NLRP5: variants seen among roughly 807,000 people sequenced by gnomAD.
NLRP5 encodes NLR family pyrin domain containing 5, also known as NACHT, LRR and PYD domains-containing protein 5.
Under a neutral mutation model 113.1 loss-of-function variants are expected in NLRP5, and 93 were observed. The ratio of observed to expected loss-of-function variants is 0.82; its 90% CI spans 0.70 to 0.98. NLRP5 has a LOEUF of 0.98. Ranked by LOEUF, NLRP5 falls within the 50% of genes least tolerant of loss-of-function variation. The pLI, the probability that NLRP5 is intolerant of heterozygous loss-of-function variation, is 0.00. For missense variants in NLRP5, 1,808 were observed against 1,514.3 expected, an observed-to-expected ratio of 1.19 and a Z score of -3.22; for synonymous variants, 751 against 600.7, an observed-to-expected ratio of 1.25 and a Z score of -3.66.
chr19:56,012,559 A>C (rs1982237335), intron 3 of NLRP5, among the ~76,000 whole-genome samples: 1 of 105,628 alleles, frequency 9.5e-6, no homozygotes, highest in African/African-American at 3.6e-5. Context: ...ATCCAGTCTT[A>C]GGACATTTCC....
intron 6 of NLRP5, among the ~76,000 whole-genome samples, chr19:56,024,535 G>A (rs200687535): frequency 0.19 from 27,177 of 141,612 alleles, 2,853 homozygotes; most frequent in East Asian, 0.41. Context: ...GTATACATAT[G>A]TATATGTATG....
chr19:56,032,414 A>G (rs560647789), intron 7 of NLRP5, among the ~76,000 whole-genome samples, 197 bp from the exon 8 acceptor site: 3 of 151,206 alleles, frequency 2.0e-5, no homozygotes, highest in African/African-American at 4.9e-5. Flanking sequence ...CCCCTCGGGT[A>G]TCGGTATATC....
chr19:56,007,904 CGTGT>C (rs57588214), intron 2 of NLRP5, among the ~76,000 whole-genome samples: 2,126 of 110,140 alleles, frequency 0.019, 219 homozygotes, highest in East Asian at 0.097. Context: ...TGCGCGCGTG[CGTGT>C]GTGTGTGTGT....
chr19:56,052,218 T>G (rs996381780), intron 12 of NLRP5, among the ~76,000 whole-genome samples: 1 of 151,868 alleles, frequency 6.6e-6, no homozygotes, highest in Admixed American at 6.6e-5. Flanking sequence ...TTTGTGTGTT[T>G]TGTTTGGTTT....
chr19:56,023,868 T>A (rs1185411300), intron 6 of NLRP5, among the ~76,000 whole-genome samples: 3 of 152,212 alleles, frequency 2.0e-5, no homozygotes, highest in Admixed American at 1.3e-4. Context: ...ATACAGTTAG[T>A]AATTGTATTA....
At position 56,050,499 on chromosome 19, in the gene NLRP5, G is replaced by A; in HGVS notation, c.3039G>A (p.Leu1013=). ...TGGGTAACTCATGGCTGACGCACCT[G>A]AGCCTTAGCATGAACCCTGTGGAAG... Residue 1013 remains leucine (L), a synonymous_variant, in exon 12 of 15, where the codon CTG becomes CTA. Transcript: ENST00000390649. 1 of 1,613,934 alleles carries A rather than the reference G, an allele frequency of 6.2e-7. No homozygotes were observed. Among genetic ancestry groups the A allele is most frequent in the Non-Finnish European group, 8.5e-7 (1 of 1,179,880 alleles).
chr19:56,035,878 T>G (rs767947837), intron 9 of NLRP5, among the ~76,000 whole-genome samples: 3 of 151,300 alleles, frequency 2.0e-5, no homozygotes, highest in Non-Finnish European at 2.9e-5. Flanking sequence ...ACTATCACAT[T>G]GAGGAGTTGG....
In NLRP5 at chr19:56,050,526, C is replaced by T. The variant is rs1418822306; in HGVS notation, c.3066C>T (p.Asp1022=). ...GCCTTAGCATGAACCCTGTGGAAGA[C>T]AATGGCGTGAAGCTTCTGTGCGAGG... The change falls in exon 12 of 15, where the codon GAC becomes GAT. Residue 1022 remains aspartate (D), a synonymous_variant. Transcript: ENST00000390649. The T allele has an allele frequency of 1.9e-6, 3 of 1,613,964 alleles. No homozygotes were observed. The South Asian group carries it at 3.3e-5, about 18-fold the overall frequency.
intron 14 of NLRP5, 62 bp from the exon 15 acceptor site, chr19:56,061,334 T>TGAAGAAG (rs1479200469): frequency 6.4e-7 from 1 of 1,569,952 alleles, no homozygotes; most frequent in Non-Finnish European, 8.6e-7. Context: ...CCAGGAATTT[T>TGAAGAAG]GAAGAAGGGA....
At chr19:55,987,117 C>T in the NLRP5 span, among the ~76,000 whole-genome samples, 1 of 152,164 alleles carries the variant, frequency 6.6e-6, no homozygotes, top group Non-Finnish European at 1.5e-5. Context: ...GCCTATAATC[C>T]CAGCACTTTG....
intron 6 of NLRP5, among the ~76,000 whole-genome samples, chr19:56,023,810 C>G (rs1356265326): frequency 6.6e-6 from 1 of 152,176 alleles, no homozygotes; most frequent in East Asian, 1.9e-4. Flanking sequence ...TCAGAGGATA[C>G]AACTACAATG....
At chr19:56,031,751 T>C (rs1224508938) in intron 7 of NLRP5, among the ~76,000 whole-genome samples, 1 of 152,184 alleles carries the variant, frequency 6.6e-6, no homozygotes, top group African/African-American at 2.4e-5. Flanking sequence ...AACGGTAGAA[T>C]GTCCTCCTCT....
Position 56,038,175 on chromosome 19 carries a change from G to C in NLRP5, c.2766G>C (p.Gln922His), listed in dbSNP as rs1340976743. ...TCAGTGATGCCTTGAGAGTCTCCCA[G>C]TGCGCCCTGCAGAAGCTGATGTGAG... The change falls in exon 10 of 15, where the codon CAG (glutamine) becomes CAC (histidine). Residue 922 changes from glutamine (Q) to histidine (H), a missense_variant. Physicochemically the swap from Gln to His is conservative, Grantham distance 24 (BLOSUM62 0). Transcript: ENST00000390649. 6.2e-6 allele frequency: 10 copies of C among 1,613,768 alleles called. No homozygotes were observed. Among genetic ancestry groups the C allele is most frequent in the Non-Finnish European group, 8.5e-6 (10 of 1,179,854 alleles).
chr19:56,058,129 G>GT (rs1984224204), intron 13 of NLRP5, 111 bp from the exon 14 acceptor site: 1 of 798,402 alleles, frequency 1.3e-6, no homozygotes, highest in African/African-American at 2.0e-5. Context: ...GTTTGTTTTT[G>GT]TTTTGTTTTG....
chr19:55,994,316 T>C, the NLRP5 span, among the ~76,000 whole-genome samples: 1 of 152,352 alleles, frequency 6.6e-6, no homozygotes, highest in East Asian at 1.9e-4. Flanking sequence ...AGTTTTGCTA[T>C]ACAGTTGTTT....
rs1224262480 is a variant in NLRP5, at chr19:56,028,303, T to G, written c.2070T>G (p.Cys690Trp). 6.2e-7 allele frequency: 1 copy of G among 1,614,004 alleles called. No individual in the cohort carries two copies. Among genetic ancestry groups the G allele is most frequent in the Non-Finnish European group, 8.5e-7 (1 of 1,179,898 alleles). Residue 690 changes from cysteine to tryptophan, a missense_variant, in exon 7 of 15, where the codon TGT (cysteine) becomes TGG (tryptophan). Physicochemically the swap from Cys to Trp is radical, Grantham distance 215. Coordinates refer to ENST00000390649, the MANE Select transcript of NLRP5 (RefSeq NM_153447.4). ...GAGACACCCTGGACGCCTTCCACTG[T>G]CTTTTCGAGACTCAAGACAAAGAGT...
At chr19:56,043,870 C>T (rs182255247) in intron 11 of NLRP5, among the ~76,000 whole-genome samples, 1 of 151,624 alleles carries the variant, frequency 6.6e-6, no homozygotes, top group Non-Finnish European at 1.5e-5. Context: ...AGCCACCACG[C>T]CTGGCCTCTG....
At chr19:56,030,946 T>C in intron 7 of NLRP5, among the ~76,000 whole-genome samples, 1 of 151,750 alleles carries the variant, frequency 6.6e-6, no homozygotes, top group South Asian at 2.1e-4. Flanking sequence ...ACTCCTGACC[T>C]TGTGATCCTC....
In NLRP5 at chr19:56,052,102, G is replaced by A. The variant is rs148666530; in HGVS notation, c.3128+1514G>A. ...TCCATCACCATTTATCCATGCTAGC[G>A]CCAATGACTAGGTCACCCCTACCTG... On this transcript the variant is annotated intron_variant, in intron 12 of 14. Coordinates refer to ENST00000390649, the MANE Select transcript of NLRP5 (RefSeq NM_153447.4). Among the ~76,000 whole-genome samples, 50 of 152,224 alleles carry A rather than the reference G, an allele frequency of 3.3e-4. No homozygotes were observed. The East Asian group carries it at 7.9e-3, about 24-fold the overall frequency.
Sources: allele counts gnomAD v4.1 joint callset (sites outside exome capture counted in the v4.1 genomes callset), GRCh38; gene constraint gnomAD v4.1.1; transcripts MANE v1.5; gene names NCBI Gene and HGNC (gene_info 2026-07-23, HGNC 2026-07-21).